PTPN2: variants seen among roughly 807,000 people sequenced by gnomAD.
PTPN2 encodes protein tyrosine phosphatase non-receptor type 2, also known as tyrosine-protein phosphatase non-receptor type 2.
A neutral mutation model predicts 57.3 loss-of-function variants in PTPN2; 19 were observed. That is an observed-to-expected ratio of 0.33 (90% CI 0.23 to 0.49). The LOEUF (loss-of-function observed/expected upper bound fraction) is 0.49, where lower values mean the gene tolerates loss of function less well. Among genes scored for constraint, PTPN2 ranks in the 20% least tolerant of loss-of-function variants. The pLI is 0.99. For synonymous variants in PTPN2, 153 were observed against 164.9 expected (o/e 0.93, Z 0.55); for missense variants, 358 against 501.1 (o/e 0.71, Z 2.73).
At chr18:12,825,599 C>G (rs1341627571) in intron 5 of PTPN2, among the ~76,000 whole-genome samples, 1 of 152,030 alleles carries the variant, frequency 6.6e-6, no homozygotes, top group Admixed American at 6.6e-5. Flanking sequence ...AAATATCAAA[C>G]TGAACTTTGA....
chr18:12,793,069 A>C lies in PTPN2; in HGVS notation c.*1209T>G. ...TGAAATAAGGTATGCTATCCATAAT[A>C]ATGTATGCTATCCATGCCTCCTAGC... On this transcript the variant is annotated 3_prime_UTR_variant, in exon 9 of 9. Coordinates refer to ENST00000309660, the MANE Select transcript of PTPN2 (RefSeq NM_002828.4). 1.0e-6 allele frequency: 1 copy of C among 985,396 alleles called. No individual in the cohort carries two copies. Among genetic ancestry groups the C allele is most frequent in the African/African-American group, 1.7e-5 (1 of 57,376 alleles). 61.0% of individuals were successfully genotyped at this position (985,396 alleles called of 1,614,324 possible).
chr18:12,800,825 T>C (rs1157280356), intron 8 of PTPN2, among the ~76,000 whole-genome samples: 2 of 152,214 alleles, frequency 1.3e-5, no homozygotes, highest in Non-Finnish European at 2.9e-5. Context: ...TTCACTTTGC[T>C]ATGTGACTTA....
At chr18:12,826,038 G>T in intron 4 of PTPN2, 94 bp from the exon 5 acceptor site, 1 of 1,015,494 alleles carries the variant, frequency 9.8e-7, no homozygotes, top group Non-Finnish European at 1.4e-6. Flanking sequence ...ATATATACAT[G>T]CTATATTTTT....
At position 12,884,222 on chromosome 18, in the gene PTPN2, G is replaced by C; in HGVS notation, c.-81C>G. 5 of 1,118,666 alleles carry C rather than the reference G, an allele frequency of 4.5e-6. No individual in the cohort carries two copies. The highest frequency in any genetic ancestry group is 6.0e-6 in the Non-Finnish European group (5 of 836,430). 69.3% of individuals were successfully genotyped at this position (1,118,666 alleles called of 1,614,324 possible). A position where few individuals can be genotyped will look rare whatever the true frequency, so the allele number is the denominator to read the frequency against. ...CCCGCACGATCCGGGGAGAGCGCTG[G>C]CGCTGCGGCGCATGCGCGCTGCGCG... On this transcript the variant is annotated 5_prime_UTR_variant, in exon 1 of 9. Transcript: ENST00000309660.
intron 2 of PTPN2, chr18:12,840,611 G>A: frequency 7.7e-7 from 1 of 1,299,114 alleles, no homozygotes; most frequent in Non-Finnish European, 1.1e-6. Flanking sequence ...TATGAATATG[G>A]ATCACACCCA....
At chr18:12,828,211 T>C (rs2042545565) in intron 4 of PTPN2, among the ~76,000 whole-genome samples, 1 of 152,206 alleles carries the variant, frequency 6.6e-6, no homozygotes, top group African/African-American at 2.4e-5. Context: ...GAACCATCAC[T>C]GACATGTAAA....
At chr18:12,876,859 T>G (rs2044507762) in intron 1 of PTPN2, among the ~76,000 whole-genome samples, 1 of 152,214 alleles carries the variant, frequency 6.6e-6, no homozygotes, top group South Asian at 2.1e-4. Context: ...AGTCCCAAAA[T>G]GACCCTACCT....
At chr18:12,804,961 A>C in intron 7 of PTPN2, among the ~76,000 whole-genome samples, 1 of 152,232 alleles carries the variant, frequency 6.6e-6, no homozygotes. Flanking sequence ...ATGGATGCAA[A>C]AATCCTGAAT....
chr18:12,809,711 A>G (rs963323300), intron 7 of PTPN2, among the ~76,000 whole-genome samples: 1 of 152,206 alleles, frequency 6.6e-6, no homozygotes, highest in African/African-American at 2.4e-5. Flanking sequence ...ATTGCAACTT[A>G]AAGTTTTTTA....
chr18:12,814,559 T>C (rs1006642300), intron 6 of PTPN2, among the ~76,000 whole-genome samples: 6 of 152,212 alleles, frequency 3.9e-5, no homozygotes, highest in South Asian at 2.1e-4. Context: ...CCTCAAGTAG[T>C]TGGAGGACTT....
At chr18:12,869,540 A>G (rs539202982) in intron 1 of PTPN2, among the ~76,000 whole-genome samples, 1 of 151,046 alleles carries the variant, frequency 6.6e-6, no homozygotes, top group South Asian at 2.1e-4. Context: ...ATAATATTTT[A>G]TTAAATAATG....
chr18:12,880,248 T>C (rs778992325), intron 1 of PTPN2, among the ~76,000 whole-genome samples: 9 of 152,054 alleles, frequency 5.9e-5, no homozygotes, highest in Non-Finnish European at 1.2e-4. Flanking sequence ...ACACACACAC[T>C]TCCAAGAATA....
At chr18:12,823,899 C>CAAAAAAA (rs2042356879) in intron 5 of PTPN2, among the ~76,000 whole-genome samples, 1 of 152,100 alleles carries the variant, frequency 6.6e-6, no homozygotes, top group Non-Finnish European at 1.5e-5. Flanking sequence ...ACACAAAAAT[C>CAAAAAAA]ATTCTATTTT....
chr18:12,836,656 A>G (rs1221435008), intron 3 of PTPN2, 135 bp downstream of exon 3: 1 of 604,504 alleles, frequency 1.7e-6, no homozygotes, highest in African/African-American at 1.9e-5. Flanking sequence ...TCCATAATTC[A>G]TTACATCGTC....
intron 4 of PTPN2, among the ~76,000 whole-genome samples, chr18:12,827,230 C>G (rs1424807325): frequency 5.9e-5 from 9 of 151,614 alleles, no homozygotes; most frequent in Admixed American, 5.9e-4. Context: ...GTAGCCTCAG[C>G]TATTTGGGAG....
At chr18:12,884,040 G>A (rs1319848506) in intron 1 of PTPN2, 33 bp downstream of exon 1, 1 of 1,541,948 alleles carries the variant, frequency 6.5e-7, no homozygotes, top group South Asian at 1.2e-5. Context: ...TCTCGGAGGA[G>A]GTCGGCGACT....
chr18:12,864,520 C>A (rs954938073), intron 1 of PTPN2, among the ~76,000 whole-genome samples: 1 of 151,894 alleles, frequency 6.6e-6, no homozygotes, highest in Non-Finnish European at 1.5e-5. Flanking sequence ...CTCAGCCTCC[C>A]GAGTAGCTGG....
chr18:12,833,487 C>G (rs1263225792), intron 3 of PTPN2, among the ~76,000 whole-genome samples: 3 of 152,056 alleles, frequency 2.0e-5, no homozygotes, highest in African/African-American at 7.2e-5. Flanking sequence ...GCAGGAAAGG[C>G]TGGGAAGGAA....
intron 1 of PTPN2, among the ~76,000 whole-genome samples, chr18:12,865,817 A>G (rs2043973001): frequency 6.6e-6 from 1 of 152,010 alleles, no homozygotes; most frequent in Non-Finnish European, 1.5e-5. Context: ...CACTCCCAAA[A>G]AAAAAACCAA....
Sources: gnomAD v4.1 joint callset for allele counts (sites outside exome capture counted in the v4.1 genomes callset) on GRCh38, gnomAD v4.1.1 for gene constraint, MANE v1.5 for transcripts, NCBI Gene and HGNC (gene_info 2026-07-23, HGNC 2026-07-21) for gene names.